Variants in PTPRD observed in about 807,000 individuals in gnomAD.
The protein encoded by PTPRD is receptor-type tyrosine-protein phosphatase delta.
A neutral mutation model predicts 214.5 loss-of-function variants in PTPRD; 34 were observed. That is an observed-to-expected ratio of 0.16 (90% CI 0.12 to 0.21). The LOEUF is 0.21. PTPRD is among the 10% of genes least tolerant of loss of function. The pLI, the probability that PTPRD is intolerant of heterozygous loss-of-function variation, is 1.00. For synonymous variants in PTPRD, 1,128 were observed against 845.7 expected (o/e 1.33, Z -5.79); for missense variants, 2,545 against 2,398.7 (o/e 1.06, Z -1.27).
At chr9:9,954,737 T>A (rs1243571134) in intron 4 of PTPRD, among the ~76,000 whole-genome samples, 1 of 152,156 alleles carries the variant, frequency 6.6e-6, no homozygotes, top group East Asian at 1.9e-4. Flanking sequence ...TTTCTGTGTA[T>A]ATCCCAGCAA....
intron 14 of PTPRD, among the ~76,000 whole-genome samples, chr9:8,576,132 G>A (rs1285377193): frequency 3.3e-5 from 5 of 152,172 alleles, no homozygotes; most frequent in Non-Finnish European, 5.9e-5. Context: ...AGTGTTGGAA[G>A]ATTATTGAAG....
intron 5 of PTPRD, among the ~76,000 whole-genome samples, chr9:9,789,850 G>T (rs993626800): frequency 1.4e-5 from 2 of 147,450 alleles, no homozygotes; most frequent in African/African-American, 5.0e-5. Flanking sequence ...AATTTATCAG[G>T]ACAAGTGCAA....
intron 7 of PTPRD, among the ~76,000 whole-genome samples, chr9:9,717,034 G>A (rs1248364570): frequency 8.5e-5 from 13 of 152,118 alleles, no homozygotes; most frequent in Non-Finnish European, 5.9e-5. Context: ...TGTATAAGGT[G>A]TAAGGAAGGG....
intron 5 of PTPRD, among the ~76,000 whole-genome samples, chr9:9,808,922 C>A (rs1273472827): frequency 6.7e-6 from 1 of 150,368 alleles, no homozygotes; most frequent in Non-Finnish European, 1.5e-5. Flanking sequence ...TGGTACATGC[C>A]ACAATGCCTG....
intron 12 of PTPRD, among the ~76,000 whole-genome samples, chr9:8,667,064 C>A (rs1374392388): frequency 6.6e-6 from 1 of 152,150 alleles, no homozygotes; most frequent in Admixed American, 6.5e-5. Flanking sequence ...GAAGGCCAGG[C>A]GCCATGGCTC....
chr9:10,148,288 G>A (rs2099037655), intron 3 of PTPRD, among the ~76,000 whole-genome samples: 1 of 152,106 alleles, frequency 6.6e-6, no homozygotes, highest in African/African-American at 2.4e-5. Flanking sequence ...TTTCATCTAT[G>A]AGAAATAAAT....
chr9:8,772,136 A>AAACAAC (rs149909048), intron 11 of PTPRD, among the ~76,000 whole-genome samples: 5 of 151,792 alleles, frequency 3.3e-5, no homozygotes, highest in Non-Finnish European at 5.9e-5. Flanking sequence ...CTTCCTGAAA[A>AAACAAC]AACAACAACA....
At chr9:10,016,384 GATA>G (rs2096714887) in intron 4 of PTPRD, among the ~76,000 whole-genome samples, 4 of 137,864 alleles carry the variant, frequency 2.9e-5, no homozygotes, top group Admixed American at 7.4e-5. Flanking sequence ...TAGATAGATA[GATA>G]GATAGATAGA....
chr9:8,909,683 G>C (rs942938865), intron 11 of PTPRD, among the ~76,000 whole-genome samples: 3 of 152,034 alleles, frequency 2.0e-5, no homozygotes, highest in Non-Finnish European at 2.9e-5. Flanking sequence ...AGATTGAAAA[G>C]AAGCAAAGAC....
chr9:9,510,984 G>A lies in PTPRD; in HGVS notation c.-237+63748C>T, dbSNP rs112931961. On this transcript the variant is annotated intron_variant, in intron 8 of 45. Transcript: ENST00000381196. ...AGTGGGACCTCTGGGAGACACTACA[G>A]ATAGCAACATTTCTGCCAAAATTAA... is the stretch of plus-strand genomic sequence containing the variant. Among the ~76,000 whole-genome samples the A allele has an allele frequency of 6.6e-5, 10 of 151,684 alleles. No homozygotes were observed. The Admixed American group carries it at 6.6e-4, about 10-fold the overall frequency.
chr9:9,878,582 A>G (rs1233552381), intron 5 of PTPRD, among the ~76,000 whole-genome samples: 1 of 152,216 alleles, frequency 6.6e-6, no homozygotes, highest in East Asian at 1.9e-4. Flanking sequence ...GTTTAGACCT[A>G]TAAGAGTAAG....
intron 9 of PTPRD, among the ~76,000 whole-genome samples, chr9:9,376,424 C>A (rs1289590618): frequency 1.3e-5 from 2 of 152,076 alleles, no homozygotes; most frequent in African/African-American, 2.4e-5. Context: ...CTTTAAATTA[C>A]AACATGCATG....
At chr9:9,269,215 C>T (rs1941676732) in intron 9 of PTPRD, among the ~76,000 whole-genome samples, 1 of 151,344 alleles carries the variant, frequency 6.6e-6, no homozygotes, top group Non-Finnish European at 1.5e-5. Context: ...CCTGAACAGA[C>T]ATTTTCAGGT....
chr9:8,671,396 T>A (rs1489215663), intron 12 of PTPRD, among the ~76,000 whole-genome samples: 1 of 152,090 alleles, frequency 6.6e-6, no homozygotes, highest in Non-Finnish European at 1.5e-5. Flanking sequence ...AGGAAATATG[T>A]ATCATGTAAA....
chr9:8,629,501 C>T (rs2096175303), intron 14 of PTPRD, among the ~76,000 whole-genome samples: 3 of 151,816 alleles, frequency 2.0e-5, no homozygotes, highest in South Asian at 4.1e-4. Context: ...CCTGTTCTTA[C>T]AACACTCTCT....
chr9:8,506,824 C>A (rs1219887114), intron 22 of PTPRD, among the ~76,000 whole-genome samples: 1 of 152,182 alleles, frequency 6.6e-6, no homozygotes, highest in Non-Finnish European at 1.5e-5. Context: ...ATACCAAATA[C>A]TTTTTAGCAA....
At chr9:8,487,354 T>C (rs969250281) in intron 27 of PTPRD, among the ~76,000 whole-genome samples, 3 of 152,230 alleles carry the variant, frequency 2.0e-5, no homozygotes, top group African/African-American at 7.2e-5. Flanking sequence ...TTATTTTTAA[T>C]GGAGAGCAAT....
intron 7 of PTPRD, among the ~76,000 whole-genome samples, chr9:9,605,036 T>A (rs1437175427): frequency 6.6e-6 from 1 of 152,060 alleles, no homozygotes; most frequent in Non-Finnish European, 1.5e-5. Context: ...GTTGCCTTTT[T>A]ATTTCTTTTT....
chr9:8,880,506 T>C (rs755606950), intron 11 of PTPRD, among the ~76,000 whole-genome samples: 1 of 152,178 alleles, frequency 6.6e-6, no homozygotes, highest in Non-Finnish European at 1.5e-5. Context: ...AAATTCTAAA[T>C]GTTCAGAGCT....
Sources: allele counts gnomAD v4.1 joint callset (sites outside exome capture counted in the v4.1 genomes callset), GRCh38; gene constraint gnomAD v4.1.1; transcripts MANE v1.5; gene names NCBI Gene and HGNC (gene_info 2026-07-23, HGNC 2026-07-21).